The following CFAP58 variants were observed in gnomAD, a reference collection of about 807,000 sequenced individuals.
The protein encoded by CFAP58 is cilia and flagella associated protein 58.
CFAP58 carries 88 observed loss-of-function variants against 119.5 expected under a neutral mutation model. The observed-to-expected ratio is 0.74, with a 90% CI of 0.62 to 0.88. The LOEUF (loss-of-function observed/expected upper bound fraction) is 0.88, where lower values mean the gene tolerates loss of function less well. CFAP58 is among the 40% of genes least tolerant of loss of function. The probability of loss-of-function intolerance (pLI) is 0.00; values close to 1 mark genes in which losing one functional copy is unlikely to be tolerated. For synonymous variants in CFAP58, 365 were observed against 366.3 expected, an observed-to-expected ratio of 1.00 and a Z score of 0.04; for missense variants, 990 against 1,021.2, an observed-to-expected ratio of 0.97 and a Z score of 0.42.
intron 9 of CFAP58, among the ~76,000 whole-genome samples, chr10:104,386,377 C>CAA (rs71482427): frequency 1.7e-4 from 23 of 133,436 alleles, no homozygotes; most frequent in African/African-American, 5.4e-4. Flanking sequence ...ACCACCATCT[C>CAA]AAAAAAAAAA....
chr10:104,437,357 A>G (rs893844429), intron 15 of CFAP58, among the ~76,000 whole-genome samples: 3 of 152,246 alleles, frequency 2.0e-5, no homozygotes, highest in African/African-American at 7.2e-5. Context: ...GTTGTAACAT[A>G]AAAATATTAA....
intron 16 of CFAP58, among the ~76,000 whole-genome samples, chr10:104,449,134 T>C (rs2013154464): frequency 1.3e-5 from 2 of 151,796 alleles, no homozygotes; most frequent in Non-Finnish European, 2.9e-5. Context: ...AGGGTCTTTG[T>C]TTCTAAAAGT....
intron 1 of CFAP58, among the ~76,000 whole-genome samples, chr10:104,358,057 A>G (rs2014613795): frequency 6.7e-6 from 1 of 149,758 alleles, no homozygotes; most frequent in African/African-American, 2.5e-5. Flanking sequence ...ACATATATGT[A>G]CATATATACA....
chr10:104,391,714 G>A (rs934026689), intron 9 of CFAP58, among the ~76,000 whole-genome samples: 1 of 152,258 alleles, frequency 6.6e-6, no homozygotes, highest in Middle Eastern at 3.4e-3. Flanking sequence ...GCATTTTTAC[G>A]GAGTGCTTTT....
At position 104,380,103 on chromosome 10, in the gene CFAP58, C is replaced by T; in HGVS notation, c.1248C>T (p.Asn416=). The change falls in exon 9 of 18, where the codon AAC becomes AAT. Residue 416 remains asparagine (N), a synonymous_variant. Transcript: ENST00000369704. The stretch of plus-strand genomic sequence containing the variant: ...AGCTCCATGAACAAGCCAAGAGGAA[C>T]CTGGAGGGAGAAATCCAGAACTACA... ...LVKLHEQAKR[N]LEGEIQNYKD... The T allele has an allele frequency of 6.2e-7, 1 of 1,614,068 alleles. No homozygotes were observed. Among genetic ancestry groups the T allele is most frequent in the Non-Finnish European group, 8.5e-7 (1 of 1,179,994 alleles).
At chr10:104,397,827 A>G (rs1427135647) in intron 11 of CFAP58, among the ~76,000 whole-genome samples, 1 of 152,156 alleles carries the variant, frequency 6.6e-6, no homozygotes, top group Non-Finnish European at 1.5e-5. Context: ...GGAACCTCTC[A>G]AAGGCATATT....
chr10:104,368,629 A>C (rs2135258692), intron 6 of CFAP58, 69 bp downstream of exon 6: 1 of 1,564,554 alleles, frequency 6.4e-7, no homozygotes, highest in Non-Finnish European at 8.7e-7. Flanking sequence ...TGGCAATTGG[A>C]GCCCTCAGTT....
At chr10:104,394,304 AT>A (rs1486268899) in intron 11 of CFAP58, among the ~76,000 whole-genome samples, 1 of 152,238 alleles carries the variant, frequency 6.6e-6, no homozygotes, top group Non-Finnish European at 1.5e-5. Flanking sequence ...TTCTAAGAAA[AT>A]AATGCCACTT....
chr10:104,357,826 CACAT>C (rs2014569492), intron 1 of CFAP58, among the ~76,000 whole-genome samples: 1 of 144,122 alleles, frequency 6.9e-6, no homozygotes, highest in South Asian at 2.2e-4. Flanking sequence ...TACATATATA[CACAT>C]ATATGTACAC....
intron 15 of CFAP58, among the ~76,000 whole-genome samples, chr10:104,419,895 G>A (rs1419709210): frequency 1.3e-5 from 2 of 151,994 alleles, no homozygotes; most frequent in East Asian, 3.8e-4. Flanking sequence ...AGACTATGAT[G>A]GTACCTTCAA....
At chr10:104,399,971 C>T (rs2012232903) in intron 12 of CFAP58, among the ~76,000 whole-genome samples, 1 of 152,044 alleles carries the variant, frequency 6.6e-6, no homozygotes. Context: ...AGAAATTTAA[C>T]TGCTCTGAGG....
rs1380294185 is a variant in CFAP58, at chr10:104,362,136, G to T, written c.405G>T (p.Glu135Asp). 1 of 1,614,028 alleles carries T rather than the reference G, an allele frequency of 6.2e-7. No homozygotes were observed. The highest frequency in any genetic ancestry group is 1.1e-5 in the South Asian group (1 of 91,072). The change falls in exon 3 of 18, where the codon GAG becomes GAT. Residue 135 changes from glutamate (E) to aspartate (D), a missense_variant. Coordinates refer to ENST00000369704, the MANE Select transcript of CFAP58 (RefSeq NM_001008723.2). ...EEIVNLTKLV[E>D]QGSGLSMDQH... ...TAGTGAACCTGACCAAACTAGTGGA[G>T]CAGGGGTCTGGACTGTCAATGGACC... is the stretch of plus-strand genomic sequence containing the variant.
At chr10:104,383,280 T>C (rs1301155579) in intron 9 of CFAP58, among the ~76,000 whole-genome samples, 1 of 152,242 alleles carries the variant, frequency 6.6e-6, no homozygotes, top group East Asian at 1.9e-4. Flanking sequence ...TATCAATCTA[T>C]AGTGTAATTA....
At chr10:104,435,100 A>ACTGTGCCTGATGTGT (rs1246622123) in intron 15 of CFAP58, among the ~76,000 whole-genome samples, 7 of 152,272 alleles carry the variant, frequency 4.6e-5, no homozygotes, top group Non-Finnish European at 1.0e-4. Context: ...CCAGAGTAGC[A>ACTGTGCCTGATGTGT]CTGTGCCTGA....
chr10:104,453,627 C>G (rs1411872414), intron 17 of CFAP58, among the ~76,000 whole-genome samples: 1 of 152,122 alleles, frequency 6.6e-6, no homozygotes, highest in African/African-American at 2.4e-5. Context: ...ATTGTCCAAT[C>G]TAATTGGTTT....
chr10:104,425,409 ATTATATGTCT>A (rs1353135675), intron 15 of CFAP58, among the ~76,000 whole-genome samples: 1 of 152,104 alleles, frequency 6.6e-6, no homozygotes, highest in Non-Finnish European at 1.5e-5. Flanking sequence ...GGTGGGACCA[ATTATATGTCT>A]TAGAGACCAA....
chr10:104,436,849 G>A (rs1046394748), intron 15 of CFAP58, among the ~76,000 whole-genome samples: 11 of 152,166 alleles, frequency 7.2e-5, no homozygotes, highest in African/African-American at 2.4e-4. Flanking sequence ...AGTCCCTGGC[G>A]TAGAGTCCCT....
chr10:104,386,371 C>G (rs553509787), intron 9 of CFAP58, among the ~76,000 whole-genome samples: 1 of 139,624 alleles, frequency 7.2e-6, no homozygotes, highest in Admixed American at 7.2e-5. Flanking sequence ...GAGTGAACCA[C>G]CATCTCAAAA....
At chr10:104,397,232 A>G (rs1428754951) in intron 11 of CFAP58, among the ~76,000 whole-genome samples, 2 of 152,238 alleles carry the variant, frequency 1.3e-5, no homozygotes, top group African/African-American at 4.8e-5. Context: ...AAATGATTAT[A>G]GAAACAGAAA....
Sources: gnomAD v4.1 joint callset for allele counts (sites outside exome capture counted in the v4.1 genomes callset) on GRCh38, gnomAD v4.1.1 for gene constraint, MANE v1.5 for transcripts, NCBI Gene and HGNC (gene_info 2026-07-23, HGNC 2026-07-21) for gene names.